The following ZNF367 variants were observed in gnomAD, a reference collection of about 807,000 sequenced individuals.
ZNF367 encodes the protein zinc finger protein 367.
Under a neutral mutation model 31.8 loss-of-function variants are expected in ZNF367, and 11 were observed. The observed-to-expected ratio is 0.35, with a 90% CI of 0.22 to 0.57. The LOEUF is 0.57. Ranked by LOEUF, ZNF367 falls within the 20% of genes least tolerant of loss-of-function variation. ZNF367 has a pLI of 0.85. For missense variants in ZNF367, 353 were observed against 484.1 expected (o/e 0.73, Z 2.54); for synonymous variants, 199 against 202.4 (o/e 0.98, Z 0.14).
chr9:96,389,603 G>A (rs1406349201), intron 4 of ZNF367, among the ~76,000 whole-genome samples: 2 of 151,904 alleles, frequency 1.3e-5, no homozygotes, highest in African/African-American at 4.8e-5. Context: ...TTGTGGAGAT[G>A]GTGTCACAGT....
chr9:96,398,243 G>A lies in ZNF367; in HGVS notation c.492C>T (p.Ser164=), dbSNP rs370768289. Residue 164 remains serine (S), a synonymous_variant, in exon 2 of 5, where the codon TCC becomes TCT. Coordinates refer to ENST00000375256, the MANE Select transcript of ZNF367 (RefSeq NM_153695.4). The part of the protein sequence containing the change: ...RDLINEGEHS[S]SRIRCNICNR... ...TACAGATGTTACAACGGATTCTGCT[G>A]GATGAATGCTCTCCTTCATTTATTA... 1.9e-6 allele frequency: 3 copies of A among 1,613,604 alleles called. No individual in the cohort carries two copies. Among genetic ancestry groups the A allele is most frequent in the South Asian group, 1.1e-5 (1 of 91,050 alleles).
intron 1 of ZNF367, among the ~76,000 whole-genome samples, chr9:96,411,576 T>C (rs1156880147): frequency 6.6e-6 from 1 of 151,662 alleles, no homozygotes; most frequent in East Asian, 1.9e-4. Context: ...ACATAAAAAA[T>C]AAGTAAACAA....
intron 3 of ZNF367, among the ~76,000 whole-genome samples, chr9:96,392,941 C>T (rs1032334285): frequency 1.3e-5 from 2 of 152,056 alleles, no homozygotes; most frequent in African/African-American, 2.4e-5. Context: ...GAAAATTAGC[C>T]GGGTGTGGTG....
At position 96,417,733 on chromosome 9, in the gene ZNF367, G is replaced by A. The variant is rs1379132152; in HGVS notation, c.300C>T (p.Ala100=). The A allele has an allele frequency of 2.4e-6, 3 of 1,226,670 alleles. No homozygotes were observed. The highest frequency in any genetic ancestry group is 8.2e-5 in the South Asian group (2 of 24,516). The allele number at this position is 1,226,670 out of a possible 1,614,324, so 76.0% of individuals were successfully genotyped here. A position where few individuals can be genotyped will look rare whatever the true frequency, so the allele number is the denominator to read the frequency against. Residue 100 remains alanine, a synonymous_variant, in exon 1 of 5, where the codon GCC becomes GCT. Coordinates refer to ENST00000375256, the MANE Select transcript of ZNF367 (RefSeq NM_153695.4). The surrounding 1 kb of genome is among the most constrained non-coding windows in gnomAD (Gnocchi z 5.0). The part of the protein sequence containing the change: ...AASAALPAAA[A]AEHSGLRGRG... Reference sequence around the variant, plus strand: ...GGCCACGAAGCCCCGAGTGCTCGGCGGCTGCGGCTGCAGGCAGGGCGGCCG... The same window carrying A: ...GGCCACGAAGCCCCGAGTGCTCGGCAGCTGCGGCTGCAGGCAGGGCGGCCG...
intron 1 of ZNF367, among the ~76,000 whole-genome samples, chr9:96,399,103 A>G (rs969606182): frequency 1.3e-4 from 20 of 152,170 alleles, no homozygotes; most frequent in African/African-American, 3.9e-4. Flanking sequence ...AACAATGTCC[A>G]CTTATACTAA....
intron 1 of ZNF367, among the ~76,000 whole-genome samples, chr9:96,405,614 T>C (rs949863700): frequency 1.6e-4 from 24 of 152,184 alleles, no homozygotes; most frequent in African/African-American, 5.5e-4. Flanking sequence ...TATAATGAAA[T>C]TATTCAGCCA....
chr9:96,391,621 C>T (rs1305580986), intron 4 of ZNF367, among the ~76,000 whole-genome samples: 1 of 152,166 alleles, frequency 6.6e-6, no homozygotes, highest in Non-Finnish European at 1.5e-5. Flanking sequence ...GCTGCTGGCT[C>T]GTGTACAGCA....
chr9:96,408,758 G>T (rs551529747), intron 1 of ZNF367, among the ~76,000 whole-genome samples: 33 of 152,094 alleles, frequency 2.2e-4, no homozygotes, highest in African/African-American at 8.0e-4. Flanking sequence ...AAATATTATC[G>T]GGTTTTTGCC....
intron 4 of ZNF367, among the ~76,000 whole-genome samples, chr9:96,390,813 G>A (rs1334036167): frequency 6.7e-6 from 1 of 149,664 alleles, no homozygotes; most frequent in Non-Finnish European, 1.5e-5. Context: ...GAGCCCAGGA[G>A]GTCAAGGCTC....
At chr9:96,401,330 G>A (rs34633735) in intron 1 of ZNF367, among the ~76,000 whole-genome samples, 3,470 of 152,108 alleles carry the variant, frequency 0.023, 61 homozygotes, top group Middle Eastern at 0.048. Flanking sequence ...GCTCGAGACC[G>A]GCCTGACCAA....
rs532821771 is a variant in ZNF367 at position 96,391,329 on chromosome 9, T to C, written c.830+1069A>G. Among the ~76,000 whole-genome samples, 572 of 152,304 alleles carry C rather than the reference T, an allele frequency of 3.8e-3. 2 individuals are homozygous for C. The highest frequency in any genetic ancestry group is 6.8e-3 in the Middle Eastern group (2 of 294). Reference sequence around the variant, plus strand: ...AAGGAAAATGAAAGCATCTGTTAAGTTGGTCCCAGCCCGTTTGTTGCTGAG... The same window carrying C: ...AAGGAAAATGAAAGCATCTGTTAAGCTGGTCCCAGCCCGTTTGTTGCTGAG... On this transcript the variant is annotated intron_variant, in intron 4 of 4. Transcript: ENST00000375256.
chr9:96,415,284 G>C (rs1450490819), intron 1 of ZNF367, among the ~76,000 whole-genome samples: 1 of 147,552 alleles, frequency 6.8e-6, no homozygotes, highest in African/African-American at 2.5e-5. Context: ...AGCCAGGATG[G>C]TCTCTATCTC....
chr9:96,404,181 C>T (rs1831641782), intron 1 of ZNF367, among the ~76,000 whole-genome samples: 1 of 151,690 alleles, frequency 6.6e-6, no homozygotes, highest in Non-Finnish European at 1.5e-5. Flanking sequence ...AAAAACAAGG[C>T]CGGGCGCGGT....
At chr9:96,411,820 GTTTT>G (rs1025645270) in intron 1 of ZNF367, among the ~76,000 whole-genome samples, 3 of 152,052 alleles carry the variant, frequency 2.0e-5, no homozygotes, top group African/African-American at 7.2e-5. Context: ...ATTCTTTTGG[GTTTT>G]TTTGTTTTGT....
At chr9:96,398,033 T>C in intron 2 of ZNF367, 131 bp downstream of exon 2, 2 of 836,740 alleles carry the variant, frequency 2.4e-6, no homozygotes, top group Non-Finnish European at 3.4e-6. Flanking sequence ...GAGCTTGCAG[T>C]AAGCCAAGAT....
intron 2 of ZNF367, among the ~76,000 whole-genome samples, chr9:96,396,102 C>T (rs375909177): frequency 6.6e-6 from 1 of 152,050 alleles, no homozygotes; most frequent in East Asian, 1.9e-4. Context: ...CTCAACTATC[C>T]CTTAGGGATC....
intron 1 of ZNF367, among the ~76,000 whole-genome samples, chr9:96,409,010 T>G (rs1428912877): frequency 6.6e-6 from 1 of 152,184 alleles, no homozygotes; most frequent in African/African-American, 2.4e-5. Context: ...GACAGATCCC[T>G]CATGAACATC....
chr9:96,417,577 C>G lies in ZNF367; in HGVS notation c.420+36G>C. 1 of 394,272 alleles carries G rather than the reference C, an allele frequency of 2.5e-6. No homozygotes were observed. Among genetic ancestry groups the G allele is most frequent in the Admixed American group, 4.9e-5 (1 of 20,584 alleles). The allele number at this position is 394,272 out of a possible 1,614,324, so 24.4% of individuals were successfully genotyped here. A position where few individuals can be genotyped will look rare whatever the true frequency, so the allele number is the denominator to read the frequency against. ...GCACCGTTAACGGGCCCCGGCTGCC[C>G]CACGTCCCGCCCGCCCGCCCGCCCG... On this transcript the variant is annotated intron_variant, in intron 1 of 4. Coordinates refer to ENST00000375256, the MANE Select transcript of ZNF367 (RefSeq NM_153695.4). The surrounding 1 kb of genome is among the most constrained non-coding windows in gnomAD (Gnocchi z 5.0).
intron 1 of ZNF367, among the ~76,000 whole-genome samples, chr9:96,413,284 TG>T (rs139936954): frequency 1.3e-5 from 2 of 152,342 alleles, no homozygotes; most frequent in African/African-American, 4.8e-5. Flanking sequence ...GCTAACATTA[TG>T]AAATGCTTAC....
Sources: gnomAD v4.1 joint callset for allele counts (sites outside exome capture counted in the v4.1 genomes callset) on GRCh38, gnomAD v4.1.1 for gene constraint, Gnocchi (gnomAD v3.1) non-coding constraint, MANE v1.5 for transcripts, NCBI Gene and HGNC (gene_info 2026-07-23, HGNC 2026-07-21) for gene names.